Variants in PLEKHD1 observed in about 807,000 individuals in gnomAD.
PLEKHD1 encodes pleckstrin homology and coiled-coil domain containing D1, also known as pleckstrin homology domain-containing family D member 1.
PLEKHD1 carries 51 observed loss-of-function variants against 69.2 expected under a neutral mutation model. The ratio of observed to expected loss-of-function variants is 0.74; its 90% CI spans 0.59 to 0.93. The LOEUF is 0.93. PLEKHD1 is among the 40% of genes least tolerant of loss of function. PLEKHD1 has a pLI of 0.00. For missense variants in PLEKHD1, 584 were observed against 641.0 expected (o/e 0.91, Z 0.96); for synonymous variants, 236 against 244.7 (o/e 0.96, Z 0.33).
chr14:69,507,179 C>T (rs374851763), intron 6 of PLEKHD1, among the ~76,000 whole-genome samples: 11 of 152,202 alleles, frequency 7.2e-5, no homozygotes, highest in South Asian at 2.1e-4. Context: ...CATGAGCCAC[C>T]GTGCCCAGCC....
At chr14:69,475,596 C>T in the PLEKHD1 span, among the ~76,000 whole-genome samples, 3 of 152,182 alleles carry the variant, frequency 2.0e-5, no homozygotes, top group Admixed American at 2.0e-4. Context: ...TAGTCTAGTG[C>T]CAGGGAGCTC....
intron 1 of PLEKHD1, among the ~76,000 whole-genome samples, chr14:69,490,839 T>C (rs1036623135): frequency 1.3e-5 from 2 of 152,146 alleles, no homozygotes; most frequent in Admixed American, 1.3e-4. Flanking sequence ...CCTTCTCCAG[T>C]TCCACCCCCT....
intron 4 of PLEKHD1, 43 bp from the exon 5 acceptor site, chr14:69,501,691 T>G (rs1019478304): frequency 2.8e-6 from 4 of 1,428,404 alleles, no homozygotes; most frequent in Non-Finnish European, 3.8e-6. Context: ...ATTTTCTGTT[T>G]CTTCCTCTTC....
chr14:69,495,668 C>T (rs1315709519), intron 1 of PLEKHD1, among the ~76,000 whole-genome samples: 1 of 152,250 alleles, frequency 6.6e-6, no homozygotes, highest in Non-Finnish European at 1.5e-5. Context: ...GGCCCAACTG[C>T]CGCAGCCTTG....
At chr14:69,522,170 C>T in intron 6 of PLEKHD1, 113 bp from the exon 7 acceptor site, 1 of 955,888 alleles carries the variant, frequency 1.0e-6, no homozygotes, top group Non-Finnish European at 1.6e-6. Flanking sequence ...TGGTGCAGCA[C>T]ATGACCCAGG....
At chr14:69,506,796 G>A (rs868289497) in intron 6 of PLEKHD1, among the ~76,000 whole-genome samples, 10 of 148,384 alleles carry the variant, frequency 6.7e-5, no homozygotes, top group Non-Finnish European at 1.3e-4. Context: ...TTTGGCAAAC[G>A]TATAACAATA....
intron 6 of PLEKHD1, among the ~76,000 whole-genome samples, chr14:69,516,714 G>T (rs1188193854): frequency 6.6e-6 from 1 of 152,096 alleles, no homozygotes; most frequent in African/African-American, 2.4e-5. Flanking sequence ...CTATCACCCA[G>T]GCTGGAGTGC....
chr14:69,525,527 G>A (rs1358392119), intron 8 of PLEKHD1, among the ~76,000 whole-genome samples: 1 of 152,160 alleles, frequency 6.6e-6, no homozygotes, highest in Non-Finnish European at 1.5e-5. Context: ...GTGTTGCCAA[G>A]GCTGGGATGC....
chr14:69,526,970 G>A (rs1050514696), intron 10 of PLEKHD1, 141 bp downstream of exon 10: 71 of 1,311,000 alleles, frequency 5.4e-5, no homozygotes, highest in Non-Finnish European at 6.5e-5. Context: ...GAGCCACCAC[G>A]AGGGGAAGCA....
At chr14:69,485,744 A>C (rs1018675515) in intron 1 of PLEKHD1, among the ~76,000 whole-genome samples, 2 of 152,212 alleles carry the variant, frequency 1.3e-5, no homozygotes, top group African/African-American at 4.8e-5. Context: ...CTTCAGACGG[A>C]GGAGCTGGAA....
intron 6 of PLEKHD1, among the ~76,000 whole-genome samples, chr14:69,521,111 G>A (rs2139527036): frequency 6.6e-6 from 1 of 152,316 alleles, no homozygotes; most frequent in Non-Finnish European, 1.5e-5. Flanking sequence ...GTGCCACTCT[G>A]CCTGAGTGAC....
In PLEKHD1 at chr14:69,500,184, T is replaced by A; in HGVS notation, c.219T>A (p.Asn73Lys). The change falls in exon 2 of 13, where the codon AAT becomes AAA. Residue 73 changes from asparagine to lysine, a missense_variant. Asn to Lys is a moderately conservative substitution (Grantham distance 94, BLOSUM62 0). Transcript: ENST00000322564. ...GCGAAAAAAAGAGCTTTGAAACCAA[T>A]AAATACTTCAATATACATCCTAAGG... ...SESEKKSFETNKYFNIHPKGV... is the reference protein window; with the variant it reads ...SESEKKSFETKKYFNIHPKGV... The A allele has an allele frequency of 6.5e-7, 1 of 1,549,298 alleles. No homozygotes were observed. Among genetic ancestry groups the A allele is most frequent in the East Asian group, 2.4e-5 (1 of 40,904 alleles).
At chr14:69,491,763 C>A (rs893648427) in intron 1 of PLEKHD1, among the ~76,000 whole-genome samples, 2 of 152,058 alleles carry the variant, frequency 1.3e-5, no homozygotes, top group Non-Finnish European at 2.9e-5. Context: ...GGGAGGGGGG[C>A]AGAAGATGGG....
chr14:69,510,539 T>C (rs1241317952), intron 6 of PLEKHD1, among the ~76,000 whole-genome samples: 1 of 151,982 alleles, frequency 6.6e-6, no homozygotes, highest in East Asian at 1.9e-4. Context: ...AAAAAAAAAA[T>C]CTCAAATTCC....
the PLEKHD1 span, among the ~76,000 whole-genome samples, chr14:69,474,515 G>C: frequency 1.3e-5 from 2 of 152,214 alleles, no homozygotes; most frequent in Non-Finnish European, 1.5e-5. Flanking sequence ...CCCGCCTTGA[G>C]ATGTCCACCT....
intron 6 of PLEKHD1, among the ~76,000 whole-genome samples, chr14:69,515,429 T>C (rs1331736201): frequency 3.9e-5 from 6 of 152,218 alleles, no homozygotes; most frequent in Non-Finnish European, 7.3e-5. Context: ...CTGGTTCCCA[T>C]GGAGGTTTCT....
chr14:69,468,996 G>T, the PLEKHD1 span, among the ~76,000 whole-genome samples: 637 of 152,290 alleles, frequency 4.2e-3, 6 homozygotes, highest in African/African-American at 0.014. Context: ...GTGCATATTT[G>T]CATTCAAAAC....
In PLEKHD1 at chr14:69,531,056, AG is replaced by A. The variant is rs1883779359; in HGVS notation, c.*2639del. The A allele has an allele frequency of 6.6e-6, 1 of 151,704 alleles. No homozygotes were observed. Among genetic ancestry groups the A allele is most frequent in the Admixed American group, 6.6e-5 (1 of 15,210 alleles). 9.4% of individuals were successfully genotyped at this position (151,704 alleles called of 1,614,324 possible). On this transcript the variant is annotated 3_prime_UTR_variant, in exon 13 of 13. Transcript: ENST00000322564. ...AGAATCACTTGAACCTGGGAGGTGGAGGTTGCAGTGAGCCGAGATTGTGCTA... is the reference window on the plus strand; with the variant it reads ...AGAATCACTTGAACCTGGGAGGTGGAGTTGCAGTGAGCCGAGATTGTGCTA...
chr14:69,495,092 C>A (rs1882858153), intron 1 of PLEKHD1, among the ~76,000 whole-genome samples: 1 of 152,184 alleles, frequency 6.6e-6, no homozygotes, highest in Admixed American at 6.5e-5. Flanking sequence ...CCCTACTGAA[C>A]TCTGGCCCTC....
Sources: gnomAD v4.1 joint callset for allele counts (sites outside exome capture counted in the v4.1 genomes callset) on GRCh38, gnomAD v4.1.1 for gene constraint, MANE v1.5 for transcripts, NCBI Gene and HGNC (gene_info 2026-07-23, HGNC 2026-07-21) for gene names.